The following SARM1 variants were observed in gnomAD, a reference collection of about 807,000 sequenced individuals.
SARM1 encodes sterile alpha and TIR motif containing 1.
Under a neutral mutation model 65.1 loss-of-function variants are expected in SARM1, and 60 were observed. The observed-to-expected ratio is 0.92, with a 90% CI of 0.75 to 1.14. SARM1 has a LOEUF of 1.14. SARM1 is among the 50% of genes most tolerant of loss of function. SARM1 has a pLI of 0.00. For missense variants in SARM1, 913 were observed against 1,015.7 expected, an observed-to-expected ratio of 0.90 and a Z score of 1.37; for synonymous variants, 417 against 465.4, an observed-to-expected ratio of 0.90 and a Z score of 1.34.
At chr17:28,388,014 T>G (rs1469742156) in intron 5 of SARM1, 160 bp from the exon 6 acceptor site, 1 of 631,516 alleles carries the variant, frequency 1.6e-6, no homozygotes, top group African/African-American at 1.8e-5. Context: ...ATGACCTTCC[T>G]CCTGGAGGCC....
At chr17:28,386,337 G>A (rs2068050318) in intron 5 of SARM1, among the ~76,000 whole-genome samples, 1 of 152,080 alleles carries the variant, frequency 6.6e-6, no homozygotes, top group African/African-American at 2.4e-5. Context: ...TCAGTTTGAG[G>A]AGTTTTGAAA....
rs544624479 is a variant in SARM1, at chr17:28,390,154, C to T, written c.1923+1615C>T. Among the ~76,000 whole-genome samples, 11 of 152,298 alleles carry T rather than the reference C, an allele frequency of 7.2e-5. No homozygotes were observed. In the South Asian group the frequency reaches 2.1e-3, roughly 29 times the overall value. On this transcript the variant is annotated intron_variant, in intron 7 of 8. Transcript: ENST00000585482. ...GGTTTGGTTCAGAAAGGCAGGACAG[C>T]TCAAAGCAGGGGCTTCCAGGCTATA...
rs2068046644 is a variant in SARM1 at position 28,385,518 on chromosome 17, CAG to C, written c.1630+244_1630+245del. ...CTATTAAACAGGCAAGCGGCCCCGG[CAG>C]GAAGCTACCCAGGTCTCCAGTGGGA... On this transcript the variant is annotated intron_variant, in intron 5 of 8. Transcript: ENST00000585482. This position sits in a 1 kb window ranked among gnomAD's most constrained non-coding sequence, Gnocchi z 4.5. 5 of 540,994 alleles carry C rather than the reference CAG, an allele frequency of 9.2e-6. No homozygotes were observed. In the East Asian group the frequency reaches 1.6e-4, roughly 17 times the overall value. 33.5% of individuals were successfully genotyped at this position (540,994 alleles called of 1,614,324 possible). A position where few individuals can be genotyped will look rare whatever the true frequency, so the allele number is the denominator to read the frequency against.
In SARM1 at chr17:28,381,366, C is replaced by T; in HGVS notation, c.634C>T (p.Leu212=). The T allele has an allele frequency of 1.3e-6, 2 of 1,573,094 alleles. No homozygotes were observed. The highest frequency in any genetic ancestry group is 1.2e-5 in the South Asian group (1 of 85,824). The stretch of plus-strand genomic sequence containing the variant: ...GGCGGCCGGCGGCCTGGACGCGGTG[C>T]TGTATTGGTGCCGCCGCACGGACCC... The part of the protein sequence containing the change: ...LVAAGGLDAV[L]YWCRRTDPAL... Residue 212 remains leucine, a synonymous_variant, in exon 2 of 9, where the codon CTG becomes TTG. Transcript: ENST00000585482.
At position 28,388,337 on chromosome 17, in the gene SARM1, G is replaced by A. The variant is rs370681217; in HGVS notation, c.1734-13G>A. 1.2e-6 allele frequency: 2 copies of A among 1,613,274 alleles called. No homozygotes were observed. The highest frequency in any genetic ancestry group is 2.7e-5 in the African/African-American group (2 of 74,918). ...GGACAAGGCTGTGGCACTGACACAG[G>A]ACTTACTTGCAGTCTCCTGAAGGTG... On this transcript the variant is annotated splice_polypyrimidine_tract_variant and intron_variant, in intron 6 of 8. Coordinates refer to ENST00000585482, the MANE Select transcript of SARM1 (RefSeq NM_015077.4).
Position 28,388,292 on chromosome 17 carries a change from C to A in SARM1, c.1733+16C>A. 6.4e-7 allele frequency: 1 copy of A among 1,565,586 alleles called. No homozygotes were observed. The highest frequency in any genetic ancestry group is 2.4e-5 in the East Asian group (1 of 42,188). ...AGCTGGCCAGGTGAGGAGGGGCGGG[C>A]GGGCAGCGACGGGGCGTGGGGACAA... is the stretch of plus-strand genomic sequence containing the variant. On this transcript the variant is annotated intron_variant, in intron 6 of 8. Transcript: ENST00000585482.
In SARM1 at chr17:28,399,711, A is replaced by C. The variant is rs782750258; in HGVS notation, c.*3425A>C. Reference sequence around the variant, plus strand: ...GAGGTGAGGATCAGCCTTTTCCAGCATCCTGTGAGAGACCAGAGAGAGAGT... The same window carrying C: ...GAGGTGAGGATCAGCCTTTTCCAGCCTCCTGTGAGAGACCAGAGAGAGAGT... On this transcript the variant is annotated 3_prime_UTR_variant, in exon 9 of 9. Transcript: ENST00000585482. 2.5e-6 allele frequency: 4 copies of C among 1,613,984 alleles called. No individual in the cohort carries two copies. The highest frequency in any genetic ancestry group is 3.4e-6 in the Non-Finnish European group (4 of 1,179,876).
Position 28,371,718 on chromosome 17 carries a change from G to C in SARM1, c.-315G>C, listed in dbSNP as rs1327505921. 7.5e-6 allele frequency: 2 copies of C among 267,308 alleles called. No homozygotes were observed. Among genetic ancestry groups the C allele is most frequent in the East Asian group, 1.3e-4 (2 of 15,638 alleles). 16.6% of individuals were successfully genotyped at this position (267,308 alleles called of 1,614,324 possible). On this transcript the variant is annotated 5_prime_UTR_variant, in exon 1 of 9. Coordinates refer to ENST00000585482, the MANE Select transcript of SARM1 (RefSeq NM_015077.4). ...CATCTCCCAGCTCAGCCGAGCCCGT[G>C]CCCAGGCCACGCTTTGTTCCAGCCG...
Position 28,381,617 on chromosome 17 carries a change from C to T in SARM1, c.885C>T (p.Leu295=), listed in dbSNP as rs1555585298. ...REVERSGTLA[L]VEPLVASLDP... is the part of the protein sequence containing the mutation. Reference sequence around the variant, plus strand: ...TGGAGCGCTCGGGCACGCTGGCGCTCGTGGAGCCGCTTGTGGCCTCGCTGG... The same window carrying T: ...TGGAGCGCTCGGGCACGCTGGCGCTTGTGGAGCCGCTTGTGGCCTCGCTGG... Residue 295 remains leucine, a synonymous_variant, in exon 2 of 9, where the codon CTC becomes CTT. Coordinates refer to ENST00000585482, the MANE Select transcript of SARM1 (RefSeq NM_015077.4). The T allele has an allele frequency of 1.3e-6, 2 of 1,576,160 alleles. No homozygotes were observed. The highest frequency in any genetic ancestry group is 1.8e-5 in the Admixed American group (1 of 54,770).
intron 1 of SARM1, among the ~76,000 whole-genome samples, chr17:28,374,684 A>G (rs1368222576): frequency 7.2e-5 from 11 of 152,126 alleles, no homozygotes; most frequent in Non-Finnish European, 1.0e-4. Context: ...CATCTCAAAG[A>G]AGGCTCTTCT....
intron 2 of SARM1, among the ~76,000 whole-genome samples, chr17:28,383,803 G>T (rs2068036282): frequency 6.6e-6 from 1 of 152,216 alleles, no homozygotes; most frequent in Admixed American, 6.5e-5. Context: ...GGAGGTGTGG[G>T]CCAGGATGTG....
chr17:28,399,180 C>T lies in SARM1; in HGVS notation c.*2894C>T, dbSNP rs893997849. 8.1e-5 allele frequency: 13 copies of T among 160,288 alleles called. No individual in the cohort carries two copies. Among genetic ancestry groups the T allele is most frequent in the Admixed American group, 6.0e-4 (10 of 16,632 alleles). The allele number at this position is 160,288 out of a possible 1,614,324, so 9.9% of individuals were successfully genotyped here. A position where few individuals can be genotyped will look rare whatever the true frequency, so the allele number is the denominator to read the frequency against. On this transcript the variant is annotated 3_prime_UTR_variant, in exon 9 of 9. Coordinates refer to ENST00000585482, the MANE Select transcript of SARM1 (RefSeq NM_015077.4). ...CAAGCCCCTCTTACCTCCCTCCCTC[C>T]TTCCCAAGGCTGGCACTAACCAGGT...
At chr17:28,395,715 C>A in intron 7 of SARM1, 190 bp from the exon 8 acceptor site, 1 of 602,420 alleles carries the variant, frequency 1.7e-6, no homozygotes, top group Non-Finnish European at 2.9e-6. Flanking sequence ...GTGCCAGGAA[C>A]TCTGGGCAAA....
intron 7 of SARM1, among the ~76,000 whole-genome samples, chr17:28,390,001 G>A (rs781966297): frequency 2.6e-5 from 4 of 152,186 alleles, no homozygotes; most frequent in East Asian, 1.9e-4. Context: ...CTCTATGAGC[G>A]ACCATGGCCT....
intron 2 of SARM1, among the ~76,000 whole-genome samples, chr17:28,383,422 G>T (rs2142430242): frequency 6.6e-6 from 1 of 152,154 alleles, no homozygotes; most frequent in East Asian, 1.9e-4. Flanking sequence ...GGTCTCTGGG[G>T]CCTCTTTCAA....
intron 5 of SARM1, among the ~76,000 whole-genome samples, chr17:28,386,407 A>G (rs1301003896): frequency 6.7e-6 from 1 of 150,108 alleles, no homozygotes; most frequent in African/African-American, 2.5e-5. Flanking sequence ...TATTTCCATC[A>G]TGGGTGTTCC....
In SARM1 at chr17:28,372,588, T is replaced by A; in HGVS notation, c.470+86T>A. 1 of 1,039,954 alleles carries A rather than the reference T, an allele frequency of 9.6e-7. No homozygotes were observed. Among genetic ancestry groups the A allele is most frequent in the Non-Finnish European group, 1.3e-6 (1 of 742,262 alleles). The allele number at this position is 1,039,954 out of a possible 1,614,324, so 64.4% of individuals were successfully genotyped here. A position where few individuals can be genotyped will look rare whatever the true frequency, so the allele number is the denominator to read the frequency against. On this transcript the variant is annotated intron_variant, in intron 1 of 8. Transcript: ENST00000585482. The surrounding 1 kb of genome is among the most constrained non-coding windows in gnomAD (Gnocchi z 5.2). ...GTTCCCGTGTGCCTTGCGCCGTGCC[T>A]TTGCCTCCCTCACCTCTCTGACTGC... is the stretch of plus-strand genomic sequence containing the variant.
At chr17:28,396,067 A>G in intron 8 of SARM1, 41 bp downstream of exon 8, 1 of 1,613,602 alleles carries the variant, frequency 6.2e-7, no homozygotes, top group Non-Finnish European at 8.5e-7. Flanking sequence ...TAGGGTACAA[A>G]TCACCATGAC....
In SARM1 at chr17:28,396,672, A is replaced by C; in HGVS notation, c.*386A>C. On this transcript the variant is annotated 3_prime_UTR_variant, in exon 9 of 9. Coordinates refer to ENST00000585482, the MANE Select transcript of SARM1 (RefSeq NM_015077.4). ...CGGAAGGCAGCCTCAGACAGGAATT[A>C]AGGCAATGCCCAGGCGGGCCTGGGC... The C allele has an allele frequency of 4.6e-6, 1 of 216,490 alleles. No homozygotes were observed. The highest frequency in any genetic ancestry group is 9.3e-6 in the Non-Finnish European group (1 of 107,952). The allele number at this position is 216,490 out of a possible 1,614,324, so 13.4% of individuals were successfully genotyped here.
Sources: allele counts gnomAD v4.1 joint callset (sites outside exome capture counted in the v4.1 genomes callset), GRCh38; gene constraint gnomAD v4.1.1; non-coding constraint Gnocchi (gnomAD v3.1); transcripts MANE v1.5; gene names NCBI Gene and HGNC (gene_info 2026-07-23, HGNC 2026-07-21).